The following ANKRD17 variants were observed in gnomAD, a reference collection of about 807,000 sequenced individuals.
ANKRD17 encodes the protein ankyrin repeat domain-containing protein 17.
Under a neutral mutation model 229.7 loss-of-function variants are expected in ANKRD17, and 19 were observed. The observed-to-expected ratio is 0.08, with a 90% CI of 0.06 to 0.12. The LOEUF is 0.12. ANKRD17 is among the 10% of genes least tolerant of loss of function. The pLI is 1.00. For missense variants in ANKRD17, 2,176 were observed against 3,176.8 expected (o/e 0.68, Z 7.57); for synonymous variants, 1,112 against 1,146.1 (o/e 0.97, Z 0.60).
intron 8 of ANKRD17, 131 bp downstream of exon 8, chr4:73,148,682 C>T (rs1730612519): frequency 2.4e-6 from 2 of 820,836 alleles, no homozygotes; most frequent in East Asian, 5.2e-5. Flanking sequence ...ACAGTAAATA[C>T]TTTATCACTG....
chr4:73,229,607 T>TA (rs769937566), intron 1 of ANKRD17, among the ~76,000 whole-genome samples: 279 of 142,140 alleles, frequency 2.0e-3, no homozygotes, highest in Middle Eastern at 3.6e-3. Context: ...ATTGATTATT[T>TA]AAAAAAAAAA....
At chr4:73,209,317 A>C (rs1030229364) in intron 1 of ANKRD17, among the ~76,000 whole-genome samples, 13 of 152,224 alleles carry the variant, frequency 8.5e-5, no homozygotes, top group African/African-American at 3.1e-4. Context: ...ATTGCCAGTG[A>C]AAGAGGAAAC....
chr4:73,108,718 G>C (rs1724937277), intron 24 of ANKRD17, among the ~76,000 whole-genome samples: 1 of 152,170 alleles, frequency 6.6e-6, no homozygotes, highest in Non-Finnish European at 1.5e-5. Context: ...GTCAGGAACA[G>C]ATTCAGGATA....
intron 30 of ANKRD17, among the ~76,000 whole-genome samples, chr4:73,084,974 T>C (rs1289739587): frequency 6.6e-6 from 1 of 152,000 alleles, no homozygotes; most frequent in African/African-American, 2.4e-5. Flanking sequence ...GCCCAGGAGT[T>C]TGACGAAACC....
At chr4:73,094,667 A>G (rs891405105) in intron 27 of ANKRD17, among the ~76,000 whole-genome samples, 2 of 150,452 alleles carry the variant, frequency 1.3e-5, no homozygotes, top group African/African-American at 2.4e-5. Context: ...ATATATACAT[A>G]TATGTATATA....
chr4:73,172,542 G>A (rs779437755), intron 2 of ANKRD17, among the ~76,000 whole-genome samples: 12 of 152,228 alleles, frequency 7.9e-5, no homozygotes, highest in East Asian at 1.9e-4. Context: ...GTGTGTTAAC[G>A]CTTACCTTAA....
intron 27 of ANKRD17, among the ~76,000 whole-genome samples, chr4:73,096,307 T>C (rs1052449005): frequency 4.6e-5 from 7 of 152,214 alleles, no homozygotes; most frequent in African/African-American, 1.7e-4. Flanking sequence ...ATAGAGAATA[T>C]TCTGATGATG....
chr4:73,118,919 C>CTCTG (rs1297873339), intron 21 of ANKRD17, 69 bp from the exon 22 acceptor site: 2 of 1,421,234 alleles, frequency 1.4e-6, no homozygotes. Context: ...CAGGGTCTTG[C>CTCTG]TCTGTCACAC....
chr4:73,132,503 T>A (rs1728350962), intron 16 of ANKRD17, among the ~76,000 whole-genome samples: 1 of 152,186 alleles, frequency 6.6e-6, no homozygotes, highest in African/African-American at 2.4e-5. Flanking sequence ...AGGTAGGAAC[T>A]TTTTAATCTC....
At chr4:73,146,906 A>C in intron 9 of ANKRD17, 33 bp from the exon 10 acceptor site, 1 of 1,541,038 alleles carries the variant, frequency 6.5e-7, no homozygotes, top group Non-Finnish European at 8.9e-7. Flanking sequence ...CATAGACTTA[A>C]TAAAGGAGCC....
intron 15 of ANKRD17, 119 bp downstream of exon 15, chr4:73,139,412 T>G: frequency 8.5e-7 from 1 of 1,174,710 alleles, no homozygotes; most frequent in East Asian, 2.4e-5. Flanking sequence ...CTTCTAAAGC[T>G]AGACATGAGT....
intron 1 of ANKRD17, among the ~76,000 whole-genome samples, chr4:73,218,184 A>T (rs1245885270): frequency 2.0e-5 from 3 of 152,254 alleles, no homozygotes; most frequent in African/African-American, 7.2e-5. Context: ...TGTCCAGATA[A>T]AGAAAAATAT....
chr4:73,142,409 G>GA, intron 12 of ANKRD17, 24 bp from the exon 13 acceptor site: 2 of 1,583,168 alleles, frequency 1.3e-6, no homozygotes, highest in Non-Finnish European at 1.7e-6. Context: ...TATGGAAGGG[G>GA]AAAAAAAGTG....
chr4:73,120,919 G>A lies in ANKRD17; in HGVS notation c.3811C>T (p.Leu1271=). 1 of 1,613,494 alleles carries A rather than the reference G, an allele frequency of 6.2e-7. No homozygotes were observed. Among genetic ancestry groups the A allele is most frequent in the Non-Finnish European group, 8.5e-7 (1 of 1,179,820 alleles). The change falls in exon 20 of 34, where the codon CTG becomes TTG. Residue 1271 remains leucine (L), a synonymous_variant. Transcript: ENST00000358602. ...FQGRTEVVSL[L]LDRKANVEHR... The stretch of plus-strand genomic sequence containing the variant: ...TCAACATTTGCTTTTCTATCAAGCA[G>A]AAGACTAACCACTTCAGTTCTTCCT...
At chr4:73,218,716 C>T (rs1272987996) in intron 1 of ANKRD17, among the ~76,000 whole-genome samples, 1 of 151,910 alleles carries the variant, frequency 6.6e-6, no homozygotes, top group Non-Finnish European at 1.5e-5. Flanking sequence ...TGCACTTCCA[C>T]CTCTGTGAGA....
At chr4:73,134,673 A>G (rs1040177248) in intron 16 of ANKRD17, among the ~76,000 whole-genome samples, 2 of 152,190 alleles carry the variant, frequency 1.3e-5, no homozygotes, top group African/African-American at 4.8e-5. Context: ...CACATATTTC[A>G]ATCAGTAAGA....
intron 14 of ANKRD17, 137 bp downstream of exon 14, chr4:73,141,604 A>C: frequency 1.5e-5 from 11 of 738,378 alleles, no homozygotes; most frequent in Non-Finnish European, 2.5e-5. Context: ...TCTCCCAATA[A>C]CATGCTTTTA....
chr4:73,196,604 T>C (rs767283717), intron 1 of ANKRD17, among the ~76,000 whole-genome samples: 9 of 152,216 alleles, frequency 5.9e-5, no homozygotes, highest in Non-Finnish European at 1.2e-4. Context: ...GGATCTAGTG[T>C]TCTAATGTTA....
intron 1 of ANKRD17, among the ~76,000 whole-genome samples, chr4:73,253,533 T>C (rs1228115730): frequency 2.6e-5 from 4 of 152,194 alleles, no homozygotes; most frequent in African/African-American, 9.6e-5. Context: ...ATTTATACCA[T>C]TTACATGAGG....
Sources: gnomAD v4.1 joint callset for allele counts (sites outside exome capture counted in the v4.1 genomes callset) on GRCh38, gnomAD v4.1.1 for gene constraint, MANE v1.5 for transcripts, NCBI Gene and HGNC (gene_info 2026-07-23, HGNC 2026-07-21) for gene names.